Variants in MXD1 observed in about 807,000 individuals in gnomAD.
MXD1 encodes MAX-binding protein.
Under a neutral mutation model 25.7 loss-of-function variants are expected in MXD1, and 9 were observed. The observed-to-expected ratio is 0.35, with a 90% CI of 0.21 to 0.61. The LOEUF (loss-of-function observed/expected upper bound fraction) is 0.61. Among genes scored for constraint, MXD1 ranks in the 20% least tolerant of loss-of-function variants. The probability of loss-of-function intolerance (pLI) is 0.75; values close to 1 mark genes in which losing one functional copy is unlikely to be tolerated. For missense variants in MXD1, 227 were observed against 292.4 expected (o/e 0.78, Z 1.63); for synonymous variants, 99 against 113.9 (o/e 0.87, Z 0.83).
intron 3 of MXD1, among the ~76,000 whole-genome samples, chr2:69,933,350 A>G (rs1482084625): frequency 6.6e-6 from 1 of 152,044 alleles, no homozygotes; most frequent in Non-Finnish European, 1.5e-5. Context: ...TTTGAAGAAT[A>G]TTATCCAAGA....
Position 69,915,354 on chromosome 2 carries a change from C to A in MXD1, c.24C>A (p.Asn8Lys). ...GAATGGCGGCGGCGGTTCGGATGAA[C>A]ATCCAGATGCTGCTGGAGGCGGCCG... is the stretch of plus-strand genomic sequence containing the variant. MAAAVRMNIQMLLEAADY... is the reference protein window; with the variant it reads MAAAVRMKIQMLLEAADY... Residue 8 changes from asparagine (N) to lysine (K), a missense_variant, in exon 1 of 6, where the codon AAC (asparagine) becomes AAA (lysine). Coordinates refer to ENST00000264444, the MANE Select transcript of MXD1 (RefSeq NM_002357.4). This position sits in a 1 kb window ranked among gnomAD's most constrained non-coding sequence, Gnocchi z 5.8. 1 of 1,296,882 alleles carries A rather than the reference C, an allele frequency of 7.7e-7. No individual in the cohort carries two copies. The highest frequency in any genetic ancestry group is 9.9e-7 in the Non-Finnish European group (1 of 1,012,932). The allele number at this position is 1,296,882 out of a possible 1,614,324, so 80.3% of individuals were successfully genotyped here.
intron 3 of MXD1, among the ~76,000 whole-genome samples, chr2:69,924,905 A>G (rs923358738): frequency 7.2e-5 from 11 of 152,228 alleles, no homozygotes; most frequent in Non-Finnish European, 1.3e-4. Flanking sequence ...GTAAATAATT[A>G]GTGTTACTCT....
chr2:69,927,372 GGGTAA>G (rs1280939300), intron 3 of MXD1, among the ~76,000 whole-genome samples: 3 of 152,200 alleles, frequency 2.0e-5, no homozygotes, highest in Non-Finnish European at 4.4e-5. Flanking sequence ...TTGCAACATG[GGGTAA>G]GGTTATTACG....
rs1296999151 is a variant in MXD1 at position 69,940,095 on chromosome 2, GTCTTT to G, written c.*1816_*1820del. 2 of 116,358 alleles carry G rather than the reference GTCTTT, an allele frequency of 1.7e-5. No homozygotes were observed. The highest frequency in any genetic ancestry group is 6.8e-3 in the Middle Eastern group (1 of 146). The allele number at this position is 116,358 out of a possible 1,614,324, so 7.2% of individuals were successfully genotyped here. On this transcript the variant is annotated 3_prime_UTR_variant, in exon 6 of 6. Transcript: ENST00000264444. ...AATTCTTCTGTTTTTGTTTTGTTCT[GTCTTT>G]TCTTCATTTTGGCTTTGGGTGGGGG...
chr2:69,925,454 T>G (rs1384973708), intron 3 of MXD1, among the ~76,000 whole-genome samples: 2 of 152,118 alleles, frequency 1.3e-5, no homozygotes, highest in Non-Finnish European at 2.9e-5. Context: ...GTTAGAAAAT[T>G]CAGAAAAGCA....
At chr2:69,937,195 T>A (rs1677469933) in intron 4 of MXD1, 40 bp from the exon 5 acceptor site, 1 of 1,609,440 alleles carries the variant, frequency 6.2e-7, no homozygotes, top group Non-Finnish European at 8.5e-7. Flanking sequence ...CATTTAGAGA[T>A]CTCCCTGTGG....
chr2:69,928,504 T>G (rs1312541783), intron 3 of MXD1, among the ~76,000 whole-genome samples: 1 of 152,224 alleles, frequency 6.6e-6, no homozygotes, highest in Non-Finnish European at 1.5e-5. Flanking sequence ...ATAATTCATC[T>G]ACACGTTTGA....
intron 3 of MXD1, 126 bp downstream of exon 3, chr2:69,921,891 C>T (rs772098792): frequency 8.7e-5 from 76 of 872,244 alleles, no homozygotes; most frequent in Non-Finnish European, 1.6e-5. Context: ...ATTCACCCAG[C>T]GCCCTCTAAG....
At chr2:69,925,441 A>T (rs1322002768) in intron 3 of MXD1, among the ~76,000 whole-genome samples, 1 of 152,190 alleles carries the variant, frequency 6.6e-6, no homozygotes, top group Admixed American at 6.5e-5. Flanking sequence ...TTTTGTGTAG[A>T]AAGTTAGAAA....
rs972063147 is a variant in MXD1, at chr2:69,915,589, T to G, written c.73+186T>G. Among the ~76,000 whole-genome samples the G allele has an allele frequency of 6.6e-6, 1 of 152,120 alleles. No individual in the cohort carries two copies. The highest frequency in any genetic ancestry group is 2.4e-5 in the African/African-American group (1 of 41,426). On this transcript the variant is annotated intron_variant, in intron 1 of 5. Coordinates refer to ENST00000264444, the MANE Select transcript of MXD1 (RefSeq NM_002357.4). The surrounding 1 kb of genome is among the most constrained non-coding windows in gnomAD (Gnocchi z 5.8). ...GCCGCCGCTGCCCCAAAGCAATGAA[T>G]GGGGTGGAGAAGGGGCTGCCGCCCG...
chr2:69,935,279 A>T (rs1359021369), intron 3 of MXD1, 72 bp from the exon 4 acceptor site: 1 of 1,066,220 alleles, frequency 9.4e-7, no homozygotes, highest in Non-Finnish European at 1.4e-6. Context: ...ACTCTTTGAG[A>T]ACTCATTCTG....
intron 3 of MXD1, among the ~76,000 whole-genome samples, chr2:69,929,448 A>T (rs79231910): frequency 0.017 from 2,607 of 152,342 alleles, 79 homozygotes; most frequent in African/African-American, 0.059. Context: ...ATCCATAGAT[A>T]GAATCAAGAA....
intron 3 of MXD1, among the ~76,000 whole-genome samples, chr2:69,925,290 A>G (rs1326990167): frequency 2.0e-5 from 3 of 151,242 alleles, no homozygotes; most frequent in African/African-American, 7.3e-5. Context: ...CTTTTTTTAA[A>G]CTAATCTTGC....
At position 69,941,111 on chromosome 2, in the gene MXD1, G is replaced by C. The variant is rs984268288; in HGVS notation, c.*2827G>C. On this transcript the variant is annotated 3_prime_UTR_variant, in exon 6 of 6. Transcript: ENST00000264444. ...GTAAATACAGATGTGTATAAATATA[G>C]GCACATGCATATTTTTATGTGAAAG... is the stretch of plus-strand genomic sequence containing the variant. The C allele has an allele frequency of 1.3e-5, 2 of 152,142 alleles. No individual in the cohort carries two copies. The highest frequency in any genetic ancestry group is 4.8e-5 in the African/African-American group (2 of 41,484). 9.4% of individuals were successfully genotyped at this position (152,142 alleles called of 1,614,324 possible).
rs764334471 is a variant in MXD1, at chr2:69,915,718, G to T, written c.73+315G>T. Among the ~76,000 whole-genome samples the T allele has an allele frequency of 2.0e-5, 3 of 151,976 alleles. No homozygotes were observed. Among genetic ancestry groups the T allele is most frequent in the African/African-American group, 7.2e-5 (3 of 41,438 alleles). On this transcript the variant is annotated intron_variant, in intron 1 of 5. Transcript: ENST00000264444. This position sits in a 1 kb window ranked among gnomAD's most constrained non-coding sequence, Gnocchi z 5.8. ...TACCTCACCCGGGCTGGTCCCGGCC[G>T]GCCCCCAGGTGGGCCCGGCGCCCCA...
chr2:69,933,224 AC>A lies in MXD1; in HGVS notation c.204-2126del, dbSNP rs145685080. ...TCAAAAAAAAAAAAAAAAAAAAAAAACAAAAAAAGAAAATTAGTCTATAAGT... is the reference window on the plus strand; with the variant it reads ...TCAAAAAAAAAAAAAAAAAAAAAAAAAAAAAAAGAAAATTAGTCTATAAGT... On this transcript the variant is annotated intron_variant, in intron 3 of 5. Coordinates refer to ENST00000264444, the MANE Select transcript of MXD1 (RefSeq NM_002357.4). Among the ~76,000 whole-genome samples the A allele has an allele frequency of 5.5e-3, 774 of 139,642 alleles. 35 individuals carry two copies. Among genetic ancestry groups the A allele is most frequent in the East Asian group, 0.029 (133 of 4,606 alleles). The allele number at this position is 139,642 out of a possible 152,430, so 91.6% of individuals were successfully genotyped here.
rs1410527080 is a variant in MXD1, at chr2:69,916,179, A to T, written c.132A>T (p.Leu44Phe). 1.2e-6 allele frequency: 2 copies of T among 1,612,936 alleles called. No homozygotes were observed. Among genetic ancestry groups the T allele is most frequent in the South Asian group, 2.2e-5 (2 of 91,046 alleles). Residue 44 changes from leucine (L) to phenylalanine (F), a missense_variant, in exon 2 of 6, where the codon TTA (leucine) becomes TTT (phenylalanine). Coordinates refer to ENST00000264444, the MANE Select transcript of MXD1 (RefSeq NM_002357.4). Reference protein sequence around the residue: ...LPYNNKDRDALKRRNKSKKNN... With the variant: ...LPYNNKDRDAFKRRNKSKKNN... The stretch of plus-strand genomic sequence containing the variant: ...ACAATAACAAGGACAGAGATGCCTT[A>T]AAACGGAGGAACAAATCCAAAAAGA...
chr2:69,935,393 G>A lies in MXD1; in HGVS notation c.246G>A (p.Leu82=). Residue 82 remains leucine (L), a synonymous_variant, in exon 4 of 6, where the codon CTG becomes CTA. Transcript: ENST00000264444. ...LRLCLEKLKG[L]VPLGPESSRH... ...TGTGCCTGGAGAAGTTGAAGGGGCTGGTGCCACTTGGACCCGAATCAAGTC... is the reference window on the plus strand; with the variant it reads ...TGTGCCTGGAGAAGTTGAAGGGGCTAGTGCCACTTGGACCCGAATCAAGTC... The A allele has an allele frequency of 6.2e-7, 1 of 1,614,092 alleles. No individual in the cohort carries two copies. Among genetic ancestry groups the A allele is most frequent in the Non-Finnish European group, 8.5e-7 (1 of 1,179,984 alleles).
rs962850748 is a variant in MXD1 at position 69,939,075 on chromosome 2, A to G, written c.*791A>G. 6 of 151,202 alleles carry G rather than the reference A, an allele frequency of 4.0e-5. No individual in the cohort carries two copies. Among genetic ancestry groups the G allele is most frequent in the Non-Finnish European group, 8.9e-5 (6 of 67,690 alleles). The allele number at this position is 151,202 out of a possible 1,614,324, so 9.4% of individuals were successfully genotyped here. On this transcript the variant is annotated 3_prime_UTR_variant, in exon 6 of 6. Coordinates refer to ENST00000264444, the MANE Select transcript of MXD1 (RefSeq NM_002357.4). ...TGTTAATGCTACTTGTCTCTGGAAC[A>G]TTTTTTTTTCCTACCTCAGAGATAA... is the stretch of plus-strand genomic sequence containing the variant.
Sources: allele counts gnomAD v4.1 joint callset (sites outside exome capture counted in the v4.1 genomes callset), GRCh38; gene constraint gnomAD v4.1.1; non-coding constraint Gnocchi (gnomAD v3.1); transcripts MANE v1.5; gene names NCBI Gene and HGNC (gene_info 2026-07-23, HGNC 2026-07-21).